RPS6KC1: variants seen among roughly 807,000 people sequenced by gnomAD.
RPS6KC1 encodes ribosomal protein S6 kinase C1.
A neutral mutation model predicts 103.8 loss-of-function variants in RPS6KC1; 54 were observed. The ratio of observed to expected loss-of-function variants is 0.52; its 90% CI spans 0.42 to 0.65. RPS6KC1 has a LOEUF of 0.65. Ranked by LOEUF, RPS6KC1 falls within the 30% of genes least tolerant of loss-of-function variation. RPS6KC1 has a pLI of 0.00. For synonymous variants in RPS6KC1, 439 were observed against 438.7 expected, an observed-to-expected ratio of 1.00 and a Z score of -0.01; for missense variants, 1,151 against 1,253.8, an observed-to-expected ratio of 0.92 and a Z score of 1.24.
intron 3 of RPS6KC1, among the ~76,000 whole-genome samples, chr1:213,079,122 A>G (rs1223664893): frequency 1.3e-5 from 2 of 152,010 alleles, no homozygotes; most frequent in Admixed American, 6.6e-5. Flanking sequence ...TTTTCATGTC[A>G]ATAAAAAGAT....
chr1:213,539,631 T>C, the RPS6KC1 span, among the ~76,000 whole-genome samples: 88,011 of 152,144 alleles, frequency 0.58, 27,666 homozygotes, highest in Non-Finnish European at 0.7. Context: ...AAATTAAGAA[T>C]TGTTCTTGCA....
chr1:213,317,701 C>T, the RPS6KC1 span, among the ~76,000 whole-genome samples: 1 of 152,144 alleles, frequency 6.6e-6, no homozygotes, highest in South Asian at 2.1e-4. Context: ...TGGCATTGAG[C>T]TAAAATGAAA....
chr1:213,769,517 C>CAGAGAGAGAGAG, the RPS6KC1 span, among the ~76,000 whole-genome samples: 23 of 148,586 alleles, frequency 1.5e-4, no homozygotes, highest in African/African-American at 5.4e-4. Context: ...GAGAGATGGA[C>CAGAGAGAGAGAG]AGAGAGAGAG....
chr1:213,172,218 TCTCA>T, intron 7 of RPS6KC1, among the ~76,000 whole-genome samples: 1 of 152,100 alleles, frequency 6.6e-6, no homozygotes, highest in Middle Eastern at 3.4e-3. Context: ...GAGAGAGAGA[TCTCA>T]CTGAGAACAG....
At chr1:213,469,914 T>A in the RPS6KC1 span, among the ~76,000 whole-genome samples, 1 of 152,110 alleles carries the variant, frequency 6.6e-6, no homozygotes, top group Non-Finnish European at 1.5e-5. Context: ...CAGCTAGTAC[T>A]CAGAAGGGTG....
the RPS6KC1 span, among the ~76,000 whole-genome samples, chr1:213,511,773 G>C: frequency 3.9e-5 from 6 of 152,154 alleles, no homozygotes; most frequent in Non-Finnish European, 7.4e-5. Flanking sequence ...CCTTCTCCAA[G>C]GAGGTGTCCC....
the RPS6KC1 span, among the ~76,000 whole-genome samples, chr1:213,774,555 T>C: frequency 6.6e-6 from 1 of 152,140 alleles, no homozygotes; most frequent in Non-Finnish European, 1.5e-5. Context: ...AAAACAGAAG[T>C]ACACAAAGAA....
the RPS6KC1 span, among the ~76,000 whole-genome samples, chr1:213,716,454 T>C: frequency 6.6e-6 from 1 of 152,160 alleles, no homozygotes; most frequent in Non-Finnish European, 1.5e-5. Flanking sequence ...TCTTGGGAGG[T>C]AGACAATCTC....
the RPS6KC1 span, among the ~76,000 whole-genome samples, chr1:213,739,054 C>T: frequency 5.6e-4 from 85 of 151,784 alleles, no homozygotes; most frequent in Middle Eastern, 3.4e-3. Context: ...TTGAACAACA[C>T]GGGTTTGAAC....
chr1:213,109,961 A>C (rs2148825635), intron 4 of RPS6KC1, among the ~76,000 whole-genome samples: 1 of 152,236 alleles, frequency 6.6e-6, no homozygotes, highest in South Asian at 2.1e-4. Context: ...TAGTTCATTG[A>C]ATGGATATGA....
chr1:213,551,575 CAGCAAAACTA>C, the RPS6KC1 span, among the ~76,000 whole-genome samples: 1 of 152,134 alleles, frequency 6.6e-6, no homozygotes, highest in East Asian at 1.9e-4. Flanking sequence ...TTTAGGTTCA[CAGCAAAACTA>C]AGCAGAACGT....
rs190417220 is a variant in RPS6KC1 at position 213,219,502 on chromosome 1, T to C, written c.1045-10995T>C. ...AATACCATTTGATCCAGCCATTCCA[T>C]TACCGGGTATATACCCAAAGGATTA... On this transcript the variant is annotated intron_variant, in intron 8 of 14. Coordinates refer to ENST00000366960, the MANE Select transcript of RPS6KC1 (RefSeq NM_012424.6). 4.1e-3 allele frequency among the ~76,000 whole-genome samples: 624 copies of C among 152,262 alleles called. 6 individuals are homozygous for C. Among genetic ancestry groups the C allele is most frequent in the African/African-American group, 0.014 (599 of 41,528 alleles).
chr1:213,511,498 G>A, the RPS6KC1 span, among the ~76,000 whole-genome samples: 1 of 152,198 alleles, frequency 6.6e-6, no homozygotes, highest in Non-Finnish European at 1.5e-5. Context: ...AAGCAAGTGG[G>A]GAGATGCTAA....
the RPS6KC1 span, among the ~76,000 whole-genome samples, chr1:213,443,407 TACAACCTGC>T: frequency 6.6e-6 from 1 of 152,218 alleles, no homozygotes; most frequent in Non-Finnish European, 1.5e-5. Context: ...TTGTACAGTG[TACAACCTGC>T]ACAACTCATC....
At chr1:213,568,687 C>T in the RPS6KC1 span, among the ~76,000 whole-genome samples, 863 of 152,208 alleles carry the variant, frequency 5.7e-3, 5 homozygotes, top group African/African-American at 0.02. Context: ...AAGAGGAGGA[C>T]GCAAAAGCCC....
At chr1:213,089,242 A>G (rs972107201) in intron 3 of RPS6KC1, among the ~76,000 whole-genome samples, 1 of 152,216 alleles carries the variant, frequency 6.6e-6, no homozygotes, top group Non-Finnish European at 1.5e-5. Context: ...TTGGGAGTTC[A>G]TGAACTCTTA....
chr1:213,059,208 T>G (rs1335903250), intron 1 of RPS6KC1, among the ~76,000 whole-genome samples: 4 of 152,264 alleles, frequency 2.6e-5, no homozygotes, highest in Non-Finnish European at 4.4e-5. Flanking sequence ...TCATGTGACC[T>G]TTCAAACTGA....
At chr1:213,088,753 A>G (rs1401271768) in intron 3 of RPS6KC1, among the ~76,000 whole-genome samples, 3 of 152,096 alleles carry the variant, frequency 2.0e-5, no homozygotes, top group Non-Finnish European at 4.4e-5. Context: ...TGATACTCTG[A>G]TTTAGGAAGA....
At chr1:213,861,161 G>T in the RPS6KC1 span, among the ~76,000 whole-genome samples, 1 of 152,132 alleles carries the variant, frequency 6.6e-6, no homozygotes, top group African/African-American at 2.4e-5. Context: ...AGGTTTCAAA[G>T]CAAGAAGCTG....
Sources: gnomAD v4.1 joint callset for allele counts (sites outside exome capture counted in the v4.1 genomes callset) on GRCh38, gnomAD v4.1.1 for gene constraint, MANE v1.5 for transcripts, NCBI Gene and HGNC (gene_info 2026-07-23, HGNC 2026-07-21) for gene names.